The following SOS1 variants were observed in gnomAD, a reference collection of about 807,000 sequenced individuals.
SOS1 encodes the protein son of sevenless homolog 1.
Under a neutral mutation model 157.6 loss-of-function variants are expected in SOS1, and 25 were observed. The ratio of observed to expected loss-of-function variants is 0.16; its 90% CI spans 0.12 to 0.22. The LOEUF is 0.22. SOS1 is among the 10% of genes least tolerant of loss of function. The probability of loss-of-function intolerance (pLI) is 1.00; values close to 1 mark genes in which losing one functional copy is unlikely to be tolerated. For missense variants in SOS1, 1,237 were observed against 1,599.1 expected (o/e 0.77, Z 3.86); for synonymous variants, 528 against 534.0 (o/e 0.99, Z 0.16).
At chr2:39,074,307 G>T (rs900687854) in intron 1 of SOS1, among the ~76,000 whole-genome samples, 1 of 147,528 alleles carries the variant, frequency 6.8e-6, no homozygotes, top group African/African-American at 2.5e-5. Context: ...CTGAGATCCT[G>T]CCACTGCACT....
At chr2:39,094,634 C>T (rs576027092) in intron 1 of SOS1, among the ~76,000 whole-genome samples, 1 of 146,790 alleles carries the variant, frequency 6.8e-6, no homozygotes, top group South Asian at 2.2e-4. Context: ...GCCTGGACGA[C>T]AGAGCAAGAC....
intron 5 of SOS1, among the ~76,000 whole-genome samples, chr2:39,054,224 G>A (rs1302998581): frequency 6.6e-6 from 1 of 152,252 alleles, no homozygotes; most frequent in African/African-American, 2.4e-5. Context: ...ACCGTGCCCA[G>A]CAGAACTGTT....
intron 2 of SOS1, 61 bp from the exon 3 acceptor site, chr2:39,058,865 A>G: frequency 7.4e-7 from 1 of 1,359,210 alleles, no homozygotes; most frequent in Non-Finnish European, 1.0e-6. Flanking sequence ...TCTTCACTTA[A>G]AATTTACTTT....
chr2:39,107,408 T>C (rs1368197991), intron 1 of SOS1, among the ~76,000 whole-genome samples: 1 of 152,182 alleles, frequency 6.6e-6, no homozygotes, highest in East Asian at 1.9e-4. Context: ...TTCTGAGGCC[T>C]TGCAAACTTT....
chr2:38,985,998 T>C lies in SOS1; in HGVS notation c.3828A>G (p.Pro1276=), dbSNP rs1202260705. 1.2e-6 allele frequency: 2 copies of C among 1,613,804 alleles called. No homozygotes were observed. Among genetic ancestry groups the C allele is most frequent in the Non-Finnish European group, 8.5e-7 (1 of 1,179,898 alleles). Residue 1276 remains proline, a synonymous_variant, in exon 23 of 23, where the codon CCA becomes CCG. Coordinates refer to ENST00000402219, the MANE Select transcript of SOS1 (RefSeq NM_005633.4). The part of the protein sequence containing the change: ...PHGTRRHLPS[P]PLTQEVDLHS... Reference sequence around the variant, plus strand: ...GAAGGTCCACTTCTTGTGTCAATGGTGGTGATGGCAGATGCCTTCTTGTGC... The same window carrying C: ...GAAGGTCCACTTCTTGTGTCAATGGCGGTGATGGCAGATGCCTTCTTGTGC...
intron 6 of SOS1, among the ~76,000 whole-genome samples, chr2:39,039,529 A>T (rs1670482751): frequency 6.6e-6 from 1 of 152,234 alleles, no homozygotes; most frequent in Non-Finnish European, 1.5e-5. Flanking sequence ...ATTACTAGTA[A>T]GGTTGAGAAT....
chr2:38,988,636 C>A (rs1047884103), intron 21 of SOS1, among the ~76,000 whole-genome samples: 3 of 151,990 alleles, frequency 2.0e-5, no homozygotes, highest in African/African-American at 7.2e-5. Context: ...ATAGTTAATT[C>A]AGCTTGTAAC....
At chr2:39,098,965 T>C (rs114428308) in intron 1 of SOS1, among the ~76,000 whole-genome samples, 1 of 152,130 alleles carries the variant, frequency 6.6e-6, no homozygotes, top group Non-Finnish European at 1.5e-5. Context: ...TGAACAGATA[T>C]TTCTTCAAAC....
At chr2:39,031,959 A>G (rs925951644) in intron 8 of SOS1, among the ~76,000 whole-genome samples, 4 of 152,196 alleles carry the variant, frequency 2.6e-5, no homozygotes, top group African/African-American at 9.6e-5. Flanking sequence ...GCTGAAGGAA[A>G]GAGTATTTTT....
At chr2:39,123,611 G>A (rs764819733), upstream of SOS1, among the ~76,000 whole-genome samples, 3 of 152,036 alleles carry the variant, frequency 2.0e-5, no homozygotes, top group Non-Finnish European at 2.9e-5. Flanking sequence ...ACCCACCTCC[G>A]CCTCCCAAAG....
At chr2:39,115,404 CTCTTTT>C (rs1373778658) in intron 1 of SOS1, among the ~76,000 whole-genome samples, 2 of 97,502 alleles carry the variant, frequency 2.1e-5, no homozygotes, top group East Asian at 2.0e-3. Flanking sequence ...TTTGTTCTCT[CTCTTTT>C]TTTTTTTTTT....
chr2:39,077,393 C>T (rs1384527938), intron 1 of SOS1, among the ~76,000 whole-genome samples: 2 of 151,610 alleles, frequency 1.3e-5, no homozygotes, highest in African/African-American at 4.8e-5. Context: ...ATTTAGAAGA[C>T]CTTAAATAGT....
At chr2:39,005,423 G>A (rs573116115) in intron 17 of SOS1, among the ~76,000 whole-genome samples, 1 of 152,278 alleles carries the variant, frequency 6.6e-6, no homozygotes, top group African/African-American at 2.4e-5. Context: ...TCCAATCACA[G>A]GGTAATGGTT....
chr2:39,011,169 T>A (rs1669455794), intron 14 of SOS1, among the ~76,000 whole-genome samples: 1 of 152,174 alleles, frequency 6.6e-6, no homozygotes. Flanking sequence ...AATGCTGGGA[T>A]TACAGGAGTG....
Position 38,981,694 on chromosome 2 carries a change from G to A in SOS1, c.*4130C>T, listed in dbSNP as rs1007374322. 4 of 151,972 alleles carry A rather than the reference G, an allele frequency of 2.6e-5. No homozygotes were observed. The highest frequency in any genetic ancestry group is 9.7e-5 in the African/African-American group (4 of 41,356). 9.4% of individuals were successfully genotyped at this position (151,972 alleles called of 1,614,324 possible). On this transcript the variant is annotated 3_prime_UTR_variant, in exon 23 of 23. Coordinates refer to ENST00000402219, the MANE Select transcript of SOS1 (RefSeq NM_005633.4). Reference sequence around the variant, plus strand: ...AAAGATTACCTATGAACATGGTTAGGTACAAAGGCCATATTAGATGTATAG... The same window carrying A: ...AAAGATTACCTATGAACATGGTTAGATACAAAGGCCATATTAGATGTATAG...
chr2:39,077,704 C>A (rs1218345677), intron 1 of SOS1, among the ~76,000 whole-genome samples: 3 of 151,920 alleles, frequency 2.0e-5, no homozygotes, highest in Non-Finnish European at 4.4e-5. Context: ...AAAACAAGAG[C>A]CAGTAGTATA....
intron 2 of SOS1, 83 bp downstream of exon 2, chr2:39,067,545 A>C (rs1335320332): frequency 8.1e-7 from 1 of 1,238,618 alleles, no homozygotes; most frequent in Non-Finnish European, 1.2e-6. Flanking sequence ...ATATAGAGAG[A>C]GCAAATTCTT....
intron 1 of SOS1, among the ~76,000 whole-genome samples, chr2:39,116,288 G>C (rs1329741603): frequency 6.6e-6 from 1 of 152,142 alleles, no homozygotes; most frequent in Non-Finnish European, 1.5e-5. Context: ...AGACAATCAA[G>C]TCAGAAACAA....
chr2:39,099,125 G>A (rs1672875991), intron 1 of SOS1, among the ~76,000 whole-genome samples: 2 of 152,144 alleles, frequency 1.3e-5, no homozygotes, highest in African/African-American at 4.8e-5. Context: ...TATAGAAACT[G>A]AAAGCCTTCC....
Sources: gnomAD v4.1 joint callset for allele counts (sites outside exome capture counted in the v4.1 genomes callset) on GRCh38, gnomAD v4.1.1 for gene constraint, MANE v1.5 for transcripts, NCBI Gene and HGNC (gene_info 2026-07-23, HGNC 2026-07-21) for gene names.